Variants in RTL4 observed in about 807,000 individuals in gnomAD.
The protein encoded by RTL4 is retrotransposon Gag like 4, also known as retrotransposon Gag-like protein 4.
Under a neutral mutation model 5.3 loss-of-function variants are expected in RTL4, and 4 were observed. The observed-to-expected ratio is 0.75, with a 90% CI of 0.37 to 1.72. The LOEUF (loss-of-function observed/expected upper bound fraction) is 1.72, where lower values mean the gene tolerates loss of function less well. Ranked by LOEUF, RTL4 falls within the 40% of genes most tolerant of loss-of-function variation. The probability of loss-of-function intolerance (pLI) is 0.04; values close to 1 mark genes in which losing one functional copy is unlikely to be tolerated. For missense variants in RTL4, 260 were observed against 227.1 expected (o/e 1.14, Z -0.93); for synonymous variants, 98 against 87.3 (o/e 1.12, Z -0.68).
the RTL4 span, among the ~76,000 whole-genome samples, chrX:112,194,389 G>A: frequency 1.1e-4 from 12 of 110,671 alleles, no homozygotes; most frequent in South Asian, 3.9e-4. Flanking sequence ...ATGAAGAGAC[G>A]TCAGAGAGTT....
chrX:112,304,533 G>A, the RTL4 span, among the ~76,000 whole-genome samples: 4 of 110,146 alleles, frequency 3.6e-5, no homozygotes, highest in Non-Finnish European at 5.7e-5. Flanking sequence ...TCCGGGAACC[G>A]TGTTTACAGT....
At chrX:112,335,173 T>C in the RTL4 span, among the ~76,000 whole-genome samples, 1 of 112,248 alleles carries the variant, frequency 8.9e-6, no homozygotes, top group Non-Finnish European at 1.9e-5. Flanking sequence ...TGTTCCTCTC[T>C]GATAGTTGAT....
the RTL4 span, among the ~76,000 whole-genome samples, chrX:112,144,920 C>G: frequency 2.7e-5 from 3 of 111,736 alleles, no homozygotes; most frequent in East Asian, 8.5e-4. Context: ...GACCTGTTTT[C>G]AAGGCTCCTG....
At chrX:112,254,282 C>T in the RTL4 span, among the ~76,000 whole-genome samples, 2 of 110,669 alleles carry the variant, frequency 1.8e-5, no homozygotes, top group Non-Finnish European at 3.8e-5. Flanking sequence ...TCATAGTCTT[C>T]GGTGTCAGAC....
chrX:112,401,618 C>T, the RTL4 span, among the ~76,000 whole-genome samples: 1 of 107,934 alleles, frequency 9.3e-6, no homozygotes, highest in East Asian at 2.9e-4. Flanking sequence ...AAATTCTAGA[C>T]TTTTTTTTTA....
chrX:112,402,183 G>A, the RTL4 span, among the ~76,000 whole-genome samples: 1 of 111,552 alleles, frequency 9.0e-6, no homozygotes, highest in Non-Finnish European at 1.9e-5. Context: ...TACTTCCTCA[G>A]GATACCTCAT....
At chrX:112,407,594 A>G in the RTL4 span, among the ~76,000 whole-genome samples, 1 of 112,697 alleles carries the variant, frequency 8.9e-6, no homozygotes, top group Admixed American at 9.3e-5. Flanking sequence ...CCTGAAGGCA[A>G]GGAAACAAGC....
At chrX:112,181,104 G>A in the RTL4 span, among the ~76,000 whole-genome samples, 1 of 111,817 alleles carries the variant, frequency 8.9e-6, no homozygotes, top group Non-Finnish European at 1.9e-5. Context: ...CCTAGCCAAG[G>A]GAAGCCATGA....
chrX:112,410,320 G>C, the RTL4 span, among the ~76,000 whole-genome samples: 1 of 111,690 alleles, frequency 9.0e-6, no homozygotes, highest in Non-Finnish European at 1.9e-5. Flanking sequence ...GTATTGGACA[G>C]CTTATCCAGA....
chrX:112,092,924 C>T, the RTL4 span, among the ~76,000 whole-genome samples: 2 of 111,281 alleles, frequency 1.8e-5, no homozygotes, highest in Non-Finnish European at 3.8e-5. Flanking sequence ...ATGTCTTTAT[C>T]AGCAGCGTGA....
chrX:112,297,247 T>A, the RTL4 span, among the ~76,000 whole-genome samples: 3 of 111,290 alleles, frequency 2.7e-5, no homozygotes, highest in South Asian at 3.8e-4. Context: ...CAGTCCCAAG[T>A]GGTTTTAATG....
the RTL4 span, among the ~76,000 whole-genome samples, chrX:112,361,147 A>G: frequency 9.0e-6 from 1 of 111,167 alleles, no homozygotes; most frequent in Non-Finnish European, 1.9e-5. Flanking sequence ...CTGAGAAGTT[A>G]TTTTCCCAAT....
the RTL4 span, among the ~76,000 whole-genome samples, chrX:112,344,965 A>T: frequency 1.8e-5 from 2 of 111,151 alleles, no homozygotes; most frequent in African/African-American, 6.6e-5. Context: ...AAACCATCAG[A>T]ACTCGTGAGA....
At chrX:112,223,919 C>G in the RTL4 span, among the ~76,000 whole-genome samples, 1 of 111,900 alleles carries the variant, frequency 8.9e-6, no homozygotes, top group African/African-American at 3.3e-5. Context: ...TGTAGTGATG[C>G]CTTGTGATTC....
chrX:112,200,904 A>T, the RTL4 span, among the ~76,000 whole-genome samples: 1 of 111,932 alleles, frequency 8.9e-6, no homozygotes, highest in Admixed American at 9.5e-5. Context: ...AGAGTGTACA[A>T]AGCAAGACGA....
At chrX:112,260,571 C>T in the RTL4 span, among the ~76,000 whole-genome samples, 1 of 111,490 alleles carries the variant, frequency 9.0e-6, no homozygotes, top group Non-Finnish European at 1.9e-5. Context: ...TCTTTAAAGC[C>T]AAACTTGAAT....
the RTL4 span, among the ~76,000 whole-genome samples, chrX:112,412,979 A>T: frequency 8.9e-6 from 1 of 111,940 alleles, no homozygotes; most frequent in Non-Finnish European, 1.9e-5. Flanking sequence ...TAATAACTAG[A>T]ATATATAAGG....
chrX:112,328,839 T>G, the RTL4 span, among the ~76,000 whole-genome samples: 1 of 111,768 alleles, frequency 8.9e-6, no homozygotes, highest in Non-Finnish European at 1.9e-5. Context: ...AAACTAGAAC[T>G]CAGGATTAAG....
the RTL4 span, among the ~76,000 whole-genome samples, chrX:112,246,226 C>G: frequency 6.3e-5 from 7 of 111,931 alleles, no homozygotes; most frequent in African/African-American, 2.3e-4. Context: ...AAACACTGTG[C>G]TGGGAGAACC....
Sources: gnomAD v4.1 joint callset for allele counts (sites outside exome capture counted in the v4.1 genomes callset) on GRCh38, gnomAD v4.1.1 for gene constraint, MANE v1.5 for transcripts, NCBI Gene and HGNC (gene_info 2026-07-23, HGNC 2026-07-21) for gene names.